Variants in CEP295 observed in about 807,000 individuals in gnomAD.
CEP295 encodes the protein centrosomal protein 295, also known as centrosomal protein of 295 kDa.
Under a neutral mutation model 291.6 loss-of-function variants are expected in CEP295, and 190 were observed. That is an observed-to-expected ratio of 0.65 (90% CI 0.58 to 0.73). CEP295 has a LOEUF of 0.73. Among genes scored for constraint, CEP295 ranks in the 30% least tolerant of loss-of-function variants. The probability of loss-of-function intolerance (pLI) is 0.00; values close to 1 mark genes in which losing one functional copy is unlikely to be tolerated. For synonymous variants in CEP295, 993 were observed against 1,038.8 expected, an observed-to-expected ratio of 0.96 and a Z score of 0.85; for missense variants, 2,863 against 2,949.4, an observed-to-expected ratio of 0.97 and a Z score of 0.68.
At chr11:93,691,173 C>T (rs1244832245) in intron 10 of CEP295, among the ~76,000 whole-genome samples, 1 of 151,534 alleles carries the variant, frequency 6.6e-6, no homozygotes, top group Non-Finnish European at 1.5e-5. Flanking sequence ...ACTGTGGTAT[C>T]CCCAGCATCT....
intron 18 of CEP295, among the ~76,000 whole-genome samples, chr11:93,720,247 C>T (rs867414985): frequency 5.9e-5 from 9 of 151,400 alleles, no homozygotes; most frequent in Non-Finnish European, 7.4e-5. Context: ...CCGAGGTGGG[C>T]GGATCACCTG....
At chr11:93,679,010 C>A (rs1373852065) in intron 6 of CEP295, among the ~76,000 whole-genome samples, 9 of 152,134 alleles carry the variant, frequency 5.9e-5, no homozygotes, top group Admixed American at 5.9e-4. Flanking sequence ...GTGCCCGCCA[C>A]CATGCCTGGC....
Position 93,699,798 on chromosome 11 carries a change from A to G in CEP295, c.4886A>G (p.Gln1629Arg), listed in dbSNP as rs554696371. Residue 1629 changes from glutamine (Q) to arginine (R), a missense_variant, in exon 15 of 30, where the codon CAA becomes CGA. Gln to Arg is a conservative substitution (Grantham distance 43). Around this residue, in one of 3 missense-constraint regions of CEP295, gnomAD observed 2,295 missense variants for 2,335.7 expected, o/e 0.98. Transcript: ENST00000325212. ...KPQEELSLNK[Q>R]RKLNKSESAE... is the part of the protein sequence containing the mutation. ...CAGGAAGAACTGTCTTTAAACAAAC[A>G]AAGAAAGTTGAACAAAAGTGAATCT... 13 of 1,552,224 alleles carry G rather than the reference A, an allele frequency of 8.4e-6. No homozygotes were observed. In the African/African-American group the frequency reaches 1.6e-4, roughly 20 times the overall value.
chr11:93,698,707 C>A lies in CEP295; in HGVS notation c.3795C>A (p.Asp1265Glu), dbSNP rs757276398. Residue 1265 changes from aspartate (D) to glutamate (E), a missense_variant, in exon 15 of 30, where the codon GAC becomes GAA. By Grantham distance (45) the Asp-to-Glu change is conservative. Around this residue, in one of 3 missense-constraint regions of CEP295, gnomAD observed 2,295 missense variants for 2,335.7 expected, o/e 0.98. Coordinates refer to ENST00000325212, the MANE Select transcript of CEP295 (RefSeq NM_033395.2). ...DNLEEHQAWL[D>E]TEKEAFHFSQ... ...TGGAGGAACACCAAGCATGGCTAGA[C>A]ACTGAGAAAGAAGCCTTTCATTTCA... 6 of 1,551,236 alleles carry A rather than the reference C, an allele frequency of 3.9e-6. No homozygotes were observed. The highest frequency in any genetic ancestry group is 5.2e-6 in the Non-Finnish European group (6 of 1,147,068).
intron 1 of CEP295, among the ~76,000 whole-genome samples, chr11:93,663,290 T>C (rs1950069537): frequency 1.3e-5 from 2 of 152,218 alleles, no homozygotes; most frequent in Non-Finnish European, 2.9e-5. Context: ...TACCCATTGT[T>C]ACTTCCCTCC....
chr11:93,724,737 A>C (rs1954015335), intron 22 of CEP295, among the ~76,000 whole-genome samples: 1 of 152,150 alleles, frequency 6.6e-6, no homozygotes, highest in Non-Finnish European at 1.5e-5. Flanking sequence ...ACTACACTCC[A>C]GTCTGGGTGA....
chr11:93,668,619 A>C (rs1950293683), intron 3 of CEP295, among the ~76,000 whole-genome samples, 189 bp from the exon 4 acceptor site: 1 of 152,172 alleles, frequency 6.6e-6, no homozygotes, highest in Admixed American at 6.5e-5. Context: ...TTAACTTTAC[A>C]TTAAAATGTT....
In CEP295 at chr11:93,721,402, C is replaced by T. The variant is rs762448508; in HGVS notation, c.5840C>T (p.Pro1947Leu). 6.3e-7 allele frequency: 1 copy of T among 1,588,376 alleles called. No individual in the cohort carries two copies. Among genetic ancestry groups the T allele is most frequent in the Non-Finnish European group, 8.6e-7 (1 of 1,159,316 alleles). The change falls in exon 19 of 30, where the codon CCA becomes CTA. Residue 1947 changes from proline to leucine, a missense_variant. Transcript: ENST00000325212. ...GCATATTTGGGTCCAACTGTGAAGC[C>T]AGATGATAAGGTTAGTAATGTCTTA... Reference protein sequence around the residue: ...EHAYLGPTVKPDDKAKTLSYE... With the variant: ...EHAYLGPTVKLDDKAKTLSYE...
rs560417235 is a variant in CEP295, at chr11:93,722,290, A to G, written c.5947+240A>G. Among the ~76,000 whole-genome samples, 6 of 152,008 alleles carry G rather than the reference A, an allele frequency of 3.9e-5. No individual in the cohort carries two copies. The East Asian group carries it at 5.8e-4, about 15-fold the overall frequency. On this transcript the variant is annotated intron_variant, in intron 20 of 29. Transcript: ENST00000325212. ...ATCCTGGGCAACGTGGTAGAACCCT[A>G]TCTCTACAAAAAAATACAAAAGTTA...
rs77511369 is a variant in CEP295 at position 93,662,307 on chromosome 11, G to A, written c.-27+533G>A. Among the ~76,000 whole-genome samples, 546 of 152,288 alleles carry A rather than the reference G, an allele frequency of 3.6e-3. 4 individuals are homozygous for A. The highest frequency in any genetic ancestry group is 0.012 in the African/African-American group (516 of 41,558). The stretch of plus-strand genomic sequence containing the variant: ...TGAAGACTTCACGCTAAGTCACATA[G>A]ACGTCAGAACAAACCTTTTGGGGTA... On this transcript the variant is annotated intron_variant, in intron 1 of 29. Transcript: ENST00000325212.
intron 7 of CEP295, among the ~76,000 whole-genome samples, chr11:93,681,329 C>T (rs967774275): frequency 6.8e-5 from 10 of 147,322 alleles, no homozygotes; most frequent in Non-Finnish European, 1.2e-4. Flanking sequence ...CTTCACCTCC[C>T]GGATTCTAGC....
At chr11:93,704,509 G>T (rs1331368994) in intron 17 of CEP295, among the ~76,000 whole-genome samples, 2 of 152,058 alleles carry the variant, frequency 1.3e-5, no homozygotes, top group Non-Finnish European at 2.9e-5. Context: ...GAGCCCAGGG[G>T]GTTGAGACTG....
intron 22 of CEP295, among the ~76,000 whole-genome samples, chr11:93,725,246 CA>C (rs143213241): frequency 0.028 from 3,600 of 126,978 alleles, 56 homozygotes; most frequent in South Asian, 0.037. Flanking sequence ...GACCCCATCT[CA>C]AAAAAAAAAA....
chr11:93,715,156 C>G (rs181033594), intron 18 of CEP295, among the ~76,000 whole-genome samples: 4 of 152,260 alleles, frequency 2.6e-5, no homozygotes, highest in Admixed American at 2.6e-4. Flanking sequence ...CTTTAGAACT[C>G]TACTGGGTAC....
At chr11:93,721,264 C>A (rs1373659671) in intron 18 of CEP295, 48 bp from the exon 19 acceptor site, 2 of 1,052,832 alleles carry the variant, frequency 1.9e-6, no homozygotes, top group Non-Finnish European at 2.9e-6. Context: ...TTTGTCTTAT[C>A]CCAACTATAT....
At position 93,684,150 on chromosome 11, in the gene CEP295, A is replaced by G. The variant is rs544815932; in HGVS notation, c.1114+22A>G. The G allele has an allele frequency of 8.2e-4, 1,270 of 1,539,666 alleles. 4 individuals carry two copies. Among genetic ancestry groups the G allele is most frequent in the Middle Eastern group, 3.7e-3 (22 of 5,906 alleles). On this transcript the variant is annotated intron_variant, in intron 9 of 29. Transcript: ENST00000325212. ...GATGGTAAAAACCCTTCTGAGCTAA[A>G]TATTACAGTATTTCACAGAAAAAAA...
intron 18 of CEP295, among the ~76,000 whole-genome samples, chr11:93,716,985 C>A (rs1247904001): frequency 6.6e-6 from 1 of 152,106 alleles, no homozygotes; most frequent in East Asian, 1.9e-4. Context: ...TACCATAAAA[C>A]AAAGGAAAAT....
At chr11:93,674,006 G>A (rs1950570434) in intron 5 of CEP295, among the ~76,000 whole-genome samples, 1 of 150,676 alleles carries the variant, frequency 6.6e-6, no homozygotes, top group Non-Finnish European at 1.5e-5. Flanking sequence ...AGGTTGGAGT[G>A]CAGTGGCACA....
At chr11:93,705,545 G>A (rs1952457634) in intron 17 of CEP295, among the ~76,000 whole-genome samples, 1 of 151,964 alleles carries the variant, frequency 6.6e-6, no homozygotes, top group Non-Finnish European at 1.5e-5. Context: ...TCAAATTGTA[G>A]TTTCTAAAAG....
Sources: allele counts gnomAD v4.1 joint callset (sites outside exome capture counted in the v4.1 genomes callset), GRCh38; gene constraint gnomAD v4.1.1; regional missense constraint gnomAD v4.1.1; transcripts MANE v1.5; gene names NCBI Gene and HGNC (gene_info 2026-07-23, HGNC 2026-07-21).